Variants in PAPSS2 observed in about 807,000 individuals in gnomAD.
The protein encoded by PAPSS2 is 3'-phosphoadenosine 5'-phosphosulfate synthase 2.
A neutral mutation model predicts 66.5 loss-of-function variants in PAPSS2; 61 were observed. That is an observed-to-expected ratio of 0.92 (90% CI 0.75 to 1.14). The LOEUF is 1.14. Among genes scored for constraint, PAPSS2 ranks in the 50% most tolerant of loss-of-function variants. The probability of loss-of-function intolerance (pLI) is 0.00; values close to 1 mark genes in which losing one functional copy is unlikely to be tolerated. For missense variants in PAPSS2, 708 were observed against 789.6 expected, an observed-to-expected ratio of 0.90 and a Z score of 1.24; for synonymous variants, 289 against 287.5, an observed-to-expected ratio of 1.01 and a Z score of -0.05.
intron 8 of PAPSS2, 38 bp from the exon 9 acceptor site, chr10:87,727,246 A>C (rs1248718284): frequency 6.5e-7 from 1 of 1,540,416 alleles, no homozygotes; most frequent in Non-Finnish European, 9.0e-7. Flanking sequence ...GGCACACCTT[A>C]TATCTAGTTT....
chr10:87,672,988 G>C (rs1240438043), intron 1 of PAPSS2, among the ~76,000 whole-genome samples: 1 of 152,200 alleles, frequency 6.6e-6, no homozygotes, highest in African/African-American at 2.4e-5. Flanking sequence ...AGCAAGGATG[G>C]GTATTTCTGT....
rs535218660 is a variant in PAPSS2, at chr10:87,738,602, G to A, written c.1087-2633G>A. On this transcript the variant is annotated intron_variant, in intron 9 of 12. Coordinates refer to ENST00000456849, the MANE Select transcript of PAPSS2 (RefSeq NM_001015880.2). ...TTTTTATATTTTATGAAGAGATGGGGTTTTACCATGTTGCCCAGGCTGGTC... is the reference window on the plus strand; with the variant it reads ...TTTTTATATTTTATGAAGAGATGGGATTTTACCATGTTGCCCAGGCTGGTC... Among the ~76,000 whole-genome samples, 174 of 152,258 alleles carry A rather than the reference G, an allele frequency of 1.1e-3. 1 individual carries two copies. The highest frequency in any genetic ancestry group is 1.9e-3 in the Non-Finnish European group (126 of 68,026).
At chr10:87,733,809 C>T (rs1438659362) in intron 9 of PAPSS2, among the ~76,000 whole-genome samples, 1 of 152,160 alleles carries the variant, frequency 6.6e-6, no homozygotes, top group Middle Eastern at 3.4e-3. Context: ...CTGCAAGTAC[C>T]TCAAACTCAA....
chr10:87,723,992 C>T (rs975463013), intron 8 of PAPSS2, among the ~76,000 whole-genome samples: 6 of 152,084 alleles, frequency 3.9e-5, no homozygotes, highest in Admixed American at 6.6e-5. Context: ...AACTTGAGAA[C>T]TCTCACAAAA....
intron 1 of PAPSS2, among the ~76,000 whole-genome samples, chr10:87,673,560 TTGTG>T (rs1259333800): frequency 1.4e-5 from 2 of 139,814 alleles, no homozygotes; most frequent in African/African-American, 5.5e-5. Flanking sequence ...GTGTGTGTGT[TTGTG>T]TGTGTATGTA....
chr10:87,707,554 T>TC (rs1254736970), intron 1 of PAPSS2, among the ~76,000 whole-genome samples: 2 of 143,848 alleles, frequency 1.4e-5, no homozygotes, highest in Non-Finnish European at 3.0e-5. Context: ...AGTTTTCATT[T>TC]CTTTTTTTTC....
At chr10:87,742,134 T>A (rs1022576817) in intron 10 of PAPSS2, among the ~76,000 whole-genome samples, 7 of 152,240 alleles carry the variant, frequency 4.6e-5, no homozygotes, top group Non-Finnish European at 1.0e-4. Context: ...AACAGTTTTA[T>A]AAAGTTGTAC....
Position 87,726,570 on chromosome 10 carries a change from T to C in PAPSS2, c.881-714T>C, listed in dbSNP as rs1388516786. On this transcript the variant is annotated intron_variant, in intron 8 of 12. Coordinates refer to ENST00000456849, the MANE Select transcript of PAPSS2 (RefSeq NM_001015880.2). ...ATGTGATTATTATGCATTGTATTCCTGTATCAAAATATCTTATGCACCCCA... is the reference window on the plus strand; with the variant it reads ...ATGTGATTATTATGCATTGTATTCCCGTATCAAAATATCTTATGCACCCCA... Among the ~76,000 whole-genome samples, 7 of 152,248 alleles carry C rather than the reference T, an allele frequency of 4.6e-5. No homozygotes were observed. In the East Asian group the frequency reaches 9.6e-4, roughly 21 times the overall value.
rs187504421 is a variant in PAPSS2 at position 87,699,005 on chromosome 10, G to T, written c.28-10191G>T. Among the ~76,000 whole-genome samples the T allele has an allele frequency of 8.5e-3, 1,289 of 152,322 alleles. 41 individuals are homozygous for T. The highest frequency in any genetic ancestry group is 0.063 in the Admixed American group (967 of 15,294). The stretch of plus-strand genomic sequence containing the variant: ...AGTGGGTGGTGACTGCATCAAAGTT[G>T]AATGAAACAGCCTTCTTGCTGTTCA... On this transcript the variant is annotated intron_variant, in intron 1 of 12. Transcript: ENST00000456849.
rs2131889053 is a variant in PAPSS2, at chr10:87,660,118, G to A, written c.27+110G>A. The A allele has an allele frequency of 4.5e-6, 5 of 1,105,306 alleles. No individual in the cohort carries two copies. The Admixed American group carries it at 9.9e-5, about 22-fold the overall frequency. 68.5% of individuals were successfully genotyped at this position (1,105,306 alleles called of 1,614,324 possible). A position where few individuals can be genotyped will look rare whatever the true frequency, so the allele number is the denominator to read the frequency against. The stretch of plus-strand genomic sequence containing the variant: ...CCACCCTCCCCGGGAGGGGGCGTCG[G>A]GAGGAGGAGTAAGAGTGGGGCACGG... On this transcript the variant is annotated intron_variant, in intron 1 of 12. Transcript: ENST00000456849.
intron 1 of PAPSS2, among the ~76,000 whole-genome samples, chr10:87,700,656 T>C (rs1853291647): frequency 7.3e-6 from 1 of 137,344 alleles, no homozygotes; most frequent in Non-Finnish European, 1.5e-5. Context: ...AGACCCTGTC[T>C]CAAAAAAAAA....
At chr10:87,739,994 G>A (rs1365712292) in intron 9 of PAPSS2, among the ~76,000 whole-genome samples, 1 of 152,180 alleles carries the variant, frequency 6.6e-6, no homozygotes, top group Non-Finnish European at 1.5e-5. Context: ...TACTTGCACA[G>A]TGGTTTGTGC....
chr10:87,711,643 A>C (rs1362320660), intron 2 of PAPSS2, among the ~76,000 whole-genome samples: 1 of 152,244 alleles, frequency 6.6e-6, no homozygotes, highest in Admixed American at 6.5e-5. Flanking sequence ...CACGTTCTTC[A>C]TACAGCCATT....
At chr10:87,704,077 G>A (rs778524055) in intron 1 of PAPSS2, 1 of 480,050 alleles carries the variant, frequency 2.1e-6, no homozygotes, top group East Asian at 5.8e-5. Context: ...TGCAGTTCAA[G>A]TATAATTCAA....
intron 1 of PAPSS2, among the ~76,000 whole-genome samples, chr10:87,666,052 C>A (rs533596966): frequency 5.9e-5 from 9 of 151,818 alleles, no homozygotes; most frequent in African/African-American, 2.2e-4. Flanking sequence ...CAACCTCCAC[C>A]TCCCAAGTTC....
intron 7 of PAPSS2, among the ~76,000 whole-genome samples, chr10:87,717,969 A>T (rs1282080871): frequency 6.6e-6 from 1 of 152,174 alleles, no homozygotes; most frequent in African/African-American, 2.4e-5. Context: ...TTTCTTTTAC[A>T]CTGTCTCAAT....
intron 1 of PAPSS2, among the ~76,000 whole-genome samples, chr10:87,698,313 A>G (rs1853260750): frequency 6.6e-6 from 1 of 152,144 alleles, no homozygotes; most frequent in Non-Finnish European, 1.5e-5. Context: ...GAAAATGATA[A>G]TTTTTGGTTT....
chr10:87,685,577 G>T (rs1425399097), intron 1 of PAPSS2, among the ~76,000 whole-genome samples: 3 of 152,156 alleles, frequency 2.0e-5, no homozygotes, highest in Non-Finnish European at 4.4e-5. Context: ...CAGCTACTCG[G>T]GAAGCTGGTG....
intron 6 of PAPSS2, 66 bp from the exon 7 acceptor site, chr10:87,715,666 C>G: frequency 1.0e-6 from 1 of 986,910 alleles, no homozygotes; most frequent in Admixed American, 1.8e-5. Context: ...GAAAGGACTT[C>G]CCTGGGGCCA....
Sources: gnomAD v4.1 joint callset for allele counts (sites outside exome capture counted in the v4.1 genomes callset) on GRCh38, gnomAD v4.1.1 for gene constraint, MANE v1.5 for transcripts, NCBI Gene and HGNC (gene_info 2026-07-23, HGNC 2026-07-21) for gene names.